The following ANKRD12 variants were observed in gnomAD, a reference collection of about 807,000 sequenced individuals.
The protein encoded by ANKRD12 is ankyrin repeat domain 12.
A neutral mutation model predicts 183.4 loss-of-function variants in ANKRD12; 85 were observed. The observed-to-expected ratio is 0.46, with a 90% confidence interval of 0.39 to 0.56. The LOEUF (loss-of-function observed/expected upper bound fraction) is 0.56, where lower values mean the gene tolerates loss of function less well. Among genes scored for constraint, ANKRD12 ranks in the 20% least tolerant of loss-of-function variants. The probability of loss-of-function intolerance (pLI) is 0.00; values close to 1 mark genes in which losing one functional copy is unlikely to be tolerated. For missense variants in ANKRD12, 2,405 were observed against 2,357.1 expected (o/e 1.02, Z -0.42); for synonymous variants, 914 against 800.2 (o/e 1.14, Z -2.40).
chr18:9,159,229 G>A (rs73392310), intron 1 of ANKRD12, among the ~76,000 whole-genome samples: 1,568 of 149,690 alleles, frequency 0.01, 38 homozygotes, highest in African/African-American at 0.038. Context: ...GGAAATATAT[G>A]TGTATATTAC....
chr18:9,249,611 A>G (rs560076784), intron 8 of ANKRD12: 2 of 152,274 alleles, frequency 1.3e-5, no homozygotes, highest in East Asian at 3.9e-4. Context: ...CCCACAACAG[A>G]TTACTACCCT....
At position 9,255,596 on chromosome 18, in the gene ANKRD12, A is replaced by G. The variant is rs1193650458; in HGVS notation, c.2329A>G (p.Ile777Val). 2 of 1,569,242 alleles carry G rather than the reference A, an allele frequency of 1.3e-6. No individual in the cohort carries two copies. The highest frequency in any genetic ancestry group is 2.3e-5 in the East Asian group (1 of 44,218). ...AGATCTAAAAGAAGAGAGAGAAAAC[A>G]TACCCACAGATAAAGACTCAGAATT... ...IKDLKEEREN[I>V]PTDKDSEFTS... The change falls in exon 9 of 13, where the codon ATA (isoleucine) becomes GTA (valine). Residue 777 changes from isoleucine to valine, a missense_variant. Transcript: ENST00000262126.
intron 2 of ANKRD12, among the ~76,000 whole-genome samples, chr18:9,183,751 T>G (rs1283999240): frequency 3.3e-5 from 5 of 152,192 alleles, no homozygotes; most frequent in Admixed American, 3.3e-4. Flanking sequence ...CCGATTACAC[T>G]GGCAAACTCT....
rs1331723019 is a variant in ANKRD12 at position 9,263,142 on chromosome 18, G to T, written c.5665-648G>T. 2.6e-5 allele frequency among the ~76,000 whole-genome samples: 4 copies of T among 152,036 alleles called. No homozygotes were observed. In the East Asian group the frequency reaches 7.7e-4, roughly 29 times the overall value. ...GCAGTTACACGCATAGATTGAATCA[G>T]CTTCCTTAACCTCCAGCATCTACCG... On this transcript the variant is annotated intron_variant, in intron 9 of 12. Coordinates refer to ENST00000262126, the MANE Select transcript of ANKRD12 (RefSeq NM_015208.5).
intron 1 of ANKRD12, among the ~76,000 whole-genome samples, chr18:9,174,570 C>G (rs1430887491): frequency 6.6e-6 from 1 of 152,190 alleles, no homozygotes; most frequent in Admixed American, 6.5e-5. Flanking sequence ...AGTGGGGTTA[C>G]ACAATCACTC....
At chr18:9,260,721 T>C (rs915987808) in intron 9 of ANKRD12, among the ~76,000 whole-genome samples, 2 of 152,198 alleles carry the variant, frequency 1.3e-5, no homozygotes, top group Non-Finnish European at 2.9e-5. Flanking sequence ...AAAAGATAGA[T>C]GGGGAAAACA....
At chr18:9,210,095 A>G (rs140888657) in intron 5 of ANKRD12, among the ~76,000 whole-genome samples, 245 of 152,150 alleles carry the variant, frequency 1.6e-3, no homozygotes, top group Non-Finnish European at 2.9e-3. Context: ...TCAACTCTCT[A>G]TTAATATGTA....
At position 9,281,139 on chromosome 18, in the gene ANKRD12, C is replaced by A; in HGVS notation, c.*13C>A. ...GACTCCTATATAGCAGTCAGTACTT[C>A]CTGATGGTATTGTCCTAAACTGGTG... On this transcript the variant is annotated 3_prime_UTR_variant, in exon 13 of 13. Coordinates refer to ENST00000262126, the MANE Select transcript of ANKRD12 (RefSeq NM_015208.5). 1 of 1,606,492 alleles carries A rather than the reference C, an allele frequency of 6.2e-7. No individual in the cohort carries two copies. The highest frequency in any genetic ancestry group is 1.1e-5 in the South Asian group (1 of 90,258).
intron 10 of ANKRD12, among the ~76,000 whole-genome samples, chr18:9,267,192 C>T (rs939283766): frequency 6.6e-6 from 1 of 152,204 alleles, no homozygotes; most frequent in Non-Finnish European, 1.5e-5. Context: ...TAACACCCCA[C>T]TGTCAACATT....
Position 9,247,501 on chromosome 18 carries a change from A to T in ANKRD12, c.944-6710A>T, listed in dbSNP as rs1018010546. Among the ~76,000 whole-genome samples, 5 of 152,298 alleles carry T rather than the reference A, an allele frequency of 3.3e-5. 1 individual carries two copies. Among genetic ancestry groups the T allele is most frequent in the Admixed American group, 3.3e-4 (5 of 15,300 alleles). On this transcript the variant is annotated intron_variant, in intron 8 of 12. Coordinates refer to ENST00000262126, the MANE Select transcript of ANKRD12 (RefSeq NM_015208.5). ...CTAAAAAAAAATTTTTTTAAATTAT[A>T]GGGCTGCTTCTAATTGTGATTAAGT...
At chr18:9,142,892 AAT>A (rs1228081159) in intron 1 of ANKRD12, among the ~76,000 whole-genome samples, 1 of 152,176 alleles carries the variant, frequency 6.6e-6, no homozygotes, top group Non-Finnish European at 1.5e-5. Context: ...CAAAAAAAAA[AAT>A]TAGTTGTAAT....
At chr18:9,143,810 A>G (rs553610836) in intron 1 of ANKRD12, among the ~76,000 whole-genome samples, 23 of 151,466 alleles carry the variant, frequency 1.5e-4, no homozygotes, top group African/African-American at 5.3e-4. Context: ...CACCACCACC[A>G]CCGCCCTCTT....
chr18:9,185,044 C>T (rs770950176), intron 2 of ANKRD12, among the ~76,000 whole-genome samples: 3 of 152,154 alleles, frequency 2.0e-5, no homozygotes, highest in Non-Finnish European at 4.4e-5. Flanking sequence ...AATCTGGGTT[C>T]TCAAGGATGA....
intron 8 of ANKRD12, among the ~76,000 whole-genome samples, chr18:9,245,413 T>C (rs2037904219): frequency 6.6e-6 from 1 of 152,114 alleles, no homozygotes; most frequent in Non-Finnish European, 1.5e-5. Flanking sequence ...AACACTGTGA[T>C]CATACCACCA....
chr18:9,257,944 C>G lies in ANKRD12; in HGVS notation c.4677C>G (p.Ala1559=), dbSNP rs762583807. ...TAGGAGATGTTCAAAAAACAGATGC[C>G]TTTGTCCCAGTGTACTCTGACAGCA... The part of the protein sequence containing the change: ...FVLGDVQKTD[A]FVPVYSDSTI... Residue 1559 remains alanine, a synonymous_variant, in exon 9 of 13, where the codon GCC becomes GCG. Coordinates refer to ENST00000262126, the MANE Select transcript of ANKRD12 (RefSeq NM_015208.5). 4 of 1,613,792 alleles carry G rather than the reference C, an allele frequency of 2.5e-6. No homozygotes were observed. The highest frequency in any genetic ancestry group is 3.4e-6 in the Non-Finnish European group (4 of 1,179,970).
At chr18:9,276,199 C>CTT (rs1456757127) in intron 11 of ANKRD12, among the ~76,000 whole-genome samples, 1 of 151,986 alleles carries the variant, frequency 6.6e-6, no homozygotes, top group Non-Finnish European at 1.5e-5. Context: ...TTGTTTATGG[C>CTT]TTATAAACCA....
rs2040189650 is a variant in ANKRD12, at chr18:9,284,974, AG to A, written c.*3850del. The A allele has an allele frequency of 6.6e-6, 1 of 152,356 alleles. No homozygotes were observed. The highest frequency in any genetic ancestry group is 2.1e-4 in the South Asian group (1 of 4,830). The allele number at this position is 152,356 out of a possible 1,614,324, so 9.4% of individuals were successfully genotyped here. A position where few individuals can be genotyped will look rare whatever the true frequency, so the allele number is the denominator to read the frequency against. On this transcript the variant is annotated 3_prime_UTR_variant, in exon 13 of 13. Transcript: ENST00000262126. Reference sequence around the variant, plus strand: ...GTAATCCCAGCACTTTGGGAGGCCAAGGCGGGCGGATCACGAGGTCAGGAGA... The same window carrying A: ...GTAATCCCAGCACTTTGGGAGGCCAAGCGGGCGGATCACGAGGTCAGGAGA...
At chr18:9,242,946 A>C (rs987188429) in intron 8 of ANKRD12, among the ~76,000 whole-genome samples, 1 of 152,204 alleles carries the variant, frequency 6.6e-6, no homozygotes, top group African/African-American at 2.4e-5. Context: ...TCTTTTGTAA[A>C]GTAGAATTAA....
chr18:9,253,687 C>G (rs1424446097), intron 8 of ANKRD12, among the ~76,000 whole-genome samples: 5 of 152,108 alleles, frequency 3.3e-5, no homozygotes, highest in African/African-American at 4.8e-5. Flanking sequence ...TCCTCTCACC[C>G]CATTTGAAAT....
Sources: gnomAD v4.1 joint callset for allele counts (sites outside exome capture counted in the v4.1 genomes callset) on GRCh38, gnomAD v4.1.1 for gene constraint, MANE v1.5 for transcripts, NCBI Gene and HGNC (gene_info 2026-07-23, HGNC 2026-07-21) for gene names.